Variants in CCSER1 observed in about 807,000 individuals in gnomAD.
CCSER1 encodes serine-rich coiled-coil domain-containing protein 1.
A neutral mutation model predicts 82.0 loss-of-function variants in CCSER1; 41 were observed. The ratio of observed to expected loss-of-function variants is 0.50; its 90% CI spans 0.39 to 0.65. The LOEUF (loss-of-function observed/expected upper bound fraction) is 0.65. Ranked by LOEUF, CCSER1 falls within the 30% of genes least tolerant of loss-of-function variation. The pLI is 0.00. For missense variants in CCSER1, 1,119 were observed against 1,064.2 expected (o/e 1.05, Z -0.72); for synonymous variants, 414 against 383.9 (o/e 1.08, Z -0.92).
At chr4:90,622,728 C>G (rs559173738) in intron 5 of CCSER1, among the ~76,000 whole-genome samples, 2 of 152,106 alleles carry the variant, frequency 1.3e-5, no homozygotes, top group East Asian at 3.9e-4. Flanking sequence ...AATAAACATA[C>G]GTGTGCATGT....
intron 5 of CCSER1, among the ~76,000 whole-genome samples, chr4:90,594,681 C>A (rs184582556): frequency 2.8e-3 from 424 of 152,154 alleles, no homozygotes; most frequent in Non-Finnish European, 4.5e-3. Context: ...TTCATTTAGA[C>A]CATCCTTGTG....
intron 5 of CCSER1, among the ~76,000 whole-genome samples, chr4:90,527,510 CAT>C (rs956755752): frequency 3.0e-4 from 45 of 152,160 alleles, no homozygotes; most frequent in African/African-American, 9.4e-4. Flanking sequence ...ATTCTTATTA[CAT>C]GTTAGATGAT....
chr4:91,044,161 A>T (rs1381293), intron 9 of CCSER1, among the ~76,000 whole-genome samples: 58,902 of 152,038 alleles, frequency 0.39, 12,251 homozygotes, highest in East Asian at 0.64. Flanking sequence ...TATCTAAGGT[A>T]AAATCCCAGC....
At chr4:90,449,553 C>T (rs1252163628) in intron 4 of CCSER1, among the ~76,000 whole-genome samples, 4 of 152,160 alleles carry the variant, frequency 2.6e-5, no homozygotes, top group Non-Finnish European at 4.4e-5. Flanking sequence ...CCTGCAGGCT[C>T]GTGTGAGCTG....
At chr4:90,364,159 A>G (rs981700394) in intron 3 of CCSER1, among the ~76,000 whole-genome samples, 2 of 152,026 alleles carry the variant, frequency 1.3e-5, no homozygotes, top group African/African-American at 4.8e-5. Context: ...TAACACCTAC[A>G]TTTTTACCCT....
intron 5 of CCSER1, among the ~76,000 whole-genome samples, chr4:90,550,845 G>T (rs75516443): frequency 1.3e-5 from 2 of 152,066 alleles, no homozygotes; most frequent in Non-Finnish European, 1.5e-5. Context: ...AGATTACGTG[G>T]TGGCCATTGT....
chr4:90,286,429 G>A (rs1040141988), intron 1 of CCSER1, among the ~76,000 whole-genome samples: 1 of 151,826 alleles, frequency 6.6e-6, no homozygotes, highest in African/African-American at 2.4e-5. Flanking sequence ...GAACAGTTTA[G>A]TTCATTAAAA....
chr4:90,469,558 C>CACAG (rs1553919665), intron 5 of CCSER1, among the ~76,000 whole-genome samples: 93 of 151,660 alleles, frequency 6.1e-4, no homozygotes, highest in African/African-American at 2.2e-3. Context: ...CACACACACA[C>CACAG]ACACACACAT....
chr4:91,499,283 T>G (rs1453952880), intron 10 of CCSER1, among the ~76,000 whole-genome samples: 1 of 152,080 alleles, frequency 6.6e-6, no homozygotes, highest in Non-Finnish European at 1.5e-5. Context: ...ATTTTGAAGT[T>G]TCCAGATATG....
At chr4:90,812,541 C>T (rs1758486867) in intron 7 of CCSER1, among the ~76,000 whole-genome samples, 1 of 152,060 alleles carries the variant, frequency 6.6e-6, no homozygotes, top group Non-Finnish European at 1.5e-5. Context: ...TAAAGATGAG[C>T]ACTGTAACAT....
intron 5 of CCSER1, among the ~76,000 whole-genome samples, chr4:90,582,867 T>C (rs1025865431): frequency 6.6e-6 from 1 of 152,180 alleles, no homozygotes; most frequent in Non-Finnish European, 1.5e-5. Context: ...ATATAGTTTT[T>C]TGTTTGGCCT....
rs533656929 is a variant in CCSER1 at position 90,705,496 on chromosome 4, A to G, written c.1933-18418A>G. ...GCTGGGAGAACTACTACTCTCTTCA[A>G]AGGTGTCAGACAGGGACATTTATGT... is the stretch of plus-strand genomic sequence containing the variant. On this transcript the variant is annotated intron_variant, in intron 6 of 10. Coordinates refer to ENST00000509176, the MANE Select transcript of CCSER1 (RefSeq NM_001145065.2). Among the ~76,000 whole-genome samples, 11 of 152,256 alleles carry G rather than the reference A, an allele frequency of 7.2e-5. No homozygotes were observed. In the South Asian group the frequency reaches 2.1e-3, roughly 29 times the overall value.
chr4:90,543,928 A>C (rs61565577), intron 5 of CCSER1, among the ~76,000 whole-genome samples: 1 of 152,138 alleles, frequency 6.6e-6, no homozygotes, highest in Non-Finnish European at 1.5e-5. Flanking sequence ...TTCACCCTGC[A>C]TCTCAGCTAA....
At chr4:91,065,876 T>C (rs1431119164) in intron 9 of CCSER1, among the ~76,000 whole-genome samples, 1 of 151,352 alleles carries the variant, frequency 6.6e-6, no homozygotes, top group African/African-American at 2.4e-5. Context: ...AATATGACAA[T>C]TAAAATGTTA....
chr4:91,042,432 T>C (rs896527151), intron 9 of CCSER1, among the ~76,000 whole-genome samples: 1 of 152,338 alleles, frequency 6.6e-6, no homozygotes, highest in South Asian at 2.1e-4. Flanking sequence ...GGCGGTTCTT[T>C]ATAGCAGTAT....
chr4:90,209,802 C>T (rs535641122), intron 1 of CCSER1, among the ~76,000 whole-genome samples: 3 of 147,720 alleles, frequency 2.0e-5, no homozygotes, highest in Non-Finnish European at 4.5e-5. Flanking sequence ...CGGTATAGTA[C>T]TGTTTTAAAA....
At chr4:90,883,990 C>T (rs890778483) in intron 8 of CCSER1, among the ~76,000 whole-genome samples, 8 of 152,068 alleles carry the variant, frequency 5.3e-5, no homozygotes, top group African/African-American at 1.9e-4. Context: ...AACTGAGTGA[C>T]ATGTGAAGCC....
At chr4:90,652,137 A>T (rs748547572) in intron 6 of CCSER1, among the ~76,000 whole-genome samples, 4 of 152,066 alleles carry the variant, frequency 2.6e-5, no homozygotes, top group Admixed American at 1.3e-4. Flanking sequence ...AATATGCAAA[A>T]TTTTTTCCTG....
At chr4:90,816,048 T>C (rs1301842186) in intron 8 of CCSER1, among the ~76,000 whole-genome samples, 1 of 152,196 alleles carries the variant, frequency 6.6e-6, no homozygotes, top group African/African-American at 2.4e-5. Context: ...TTATAATATA[T>C]GTGGAAATGT....
Sources: allele counts gnomAD v4.1 joint callset (sites outside exome capture counted in the v4.1 genomes callset), GRCh38; gene constraint gnomAD v4.1.1; transcripts MANE v1.5; gene names NCBI Gene and HGNC (gene_info 2026-07-23, HGNC 2026-07-21).